Variants in TMEM120B observed in about 807,000 individuals in gnomAD.
TMEM120B encodes the protein transmembrane protein 120B.
TMEM120B carries 31 observed loss-of-function variants against 55.5 expected under a neutral mutation model. The observed-to-expected ratio is 0.56, with a 90% confidence interval of 0.42 to 0.75. The LOEUF (loss-of-function observed/expected upper bound fraction) is 0.75. Ranked by LOEUF, TMEM120B falls within the 30% of genes least tolerant of loss-of-function variation. The pLI, the probability that TMEM120B is intolerant of heterozygous loss-of-function variation, is 0.00. For missense variants in TMEM120B, 399 were observed against 425.5 expected (o/e 0.94, Z 0.55); for synonymous variants, 203 against 176.3 (o/e 1.15, Z -1.20).
chr12:121,779,443 G>A lies in TMEM120B; in HGVS notation c.*3721G>A, dbSNP rs796745271. 8 of 1,581,820 alleles carry A rather than the reference G, an allele frequency of 5.1e-6. No individual in the cohort carries two copies. The Middle Eastern group carries it at 5.4e-4, about 107-fold the overall frequency. ...ATGGGGCAGCCTCCCTGGTGCAATC[G>A]GCACCTGGGCCCCCGGGCCCTGTCA... On this transcript the variant is annotated 3_prime_UTR_variant, in exon 12 of 12. Coordinates refer to ENST00000449592, the MANE Select transcript of TMEM120B (RefSeq NM_001080825.2).
chr12:121,747,258 G>A (rs1873114877), intron 2 of TMEM120B, among the ~76,000 whole-genome samples: 1 of 148,940 alleles, frequency 6.7e-6, no homozygotes. Flanking sequence ...CACTGGGGTA[G>A]AAGGTGGGAG....
intron 4 of TMEM120B, 83 bp downstream of exon 4, chr12:121,750,522 A>T (rs1405007796): frequency 9.3e-7 from 1 of 1,074,216 alleles, no homozygotes; most frequent in Non-Finnish European, 1.4e-6. Context: ...CCACACTGAG[A>T]ACCCACACCC....
Position 121,775,932 on chromosome 12 carries a change from C to T in TMEM120B, c.*210C>T, listed in dbSNP as rs1431853895. The T allele has an allele frequency of 1.6e-6, 1 of 622,522 alleles. No homozygotes were observed. Among genetic ancestry groups the T allele is most frequent in the Non-Finnish European group, 2.8e-6 (1 of 352,534 alleles). The allele number at this position is 622,522 out of a possible 1,614,324, so 38.6% of individuals were successfully genotyped here. ...TATGACATATTTAATGCTGGGTCCC[C>T]CATCGTCCCTGGAACCCGAGGCCTC... On this transcript the variant is annotated 3_prime_UTR_variant, in exon 12 of 12. Transcript: ENST00000449592. This position sits in a 1 kb window ranked among gnomAD's most constrained non-coding sequence, Gnocchi z 4.3.
rs1255698190 is a variant in TMEM120B, at chr12:121,779,211, G to A, written c.*3489G>A. Reference sequence around the variant, plus strand: ...AAGCATAACTTGAGTCTGCACTGGGGAGACACTCGTGGTGGGGGTGGCTGT... The same window carrying A: ...AAGCATAACTTGAGTCTGCACTGGGAAGACACTCGTGGTGGGGGTGGCTGT... On this transcript the variant is annotated 3_prime_UTR_variant, in exon 12 of 12. Coordinates refer to ENST00000449592, the MANE Select transcript of TMEM120B (RefSeq NM_001080825.2). 2 of 481,578 alleles carry A rather than the reference G, an allele frequency of 4.2e-6. No individual in the cohort carries two copies. The highest frequency in any genetic ancestry group is 7.6e-6 in the Non-Finnish European group (2 of 263,230). 29.8% of individuals were successfully genotyped at this position (481,578 alleles called of 1,614,324 possible). A position where few individuals can be genotyped will look rare whatever the true frequency, so the allele number is the denominator to read the frequency against.
chr12:121,780,841 G>A lies in TMEM120B; in HGVS notation c.*5119G>A, dbSNP rs1012976609. On this transcript the variant is annotated 3_prime_UTR_variant, in exon 12 of 12. Transcript: ENST00000449592. ...AGGTCCGGGAGGCTTCACAGCCACG[G>A]CTGTGCCCCAGGGTCTTGGCCCCGG... is the stretch of plus-strand genomic sequence containing the variant. 3.1e-6 allele frequency: 5 copies of A among 1,601,868 alleles called. No individual in the cohort carries two copies. The African/African-American group carries it at 5.4e-5, about 17-fold the overall frequency.
In TMEM120B at chr12:121,761,507, C is replaced by T. The variant is rs76506621; in HGVS notation, c.462-142C>T. ...TCAAGAGACCAAGCTCCCCCTGCCT[C>T]CCTGGTGTCATAAGGGCTTCCAGAG... is the stretch of plus-strand genomic sequence containing the variant. On this transcript the variant is annotated intron_variant, in intron 5 of 11. Coordinates refer to ENST00000449592, the MANE Select transcript of TMEM120B (RefSeq NM_001080825.2). The T allele has an allele frequency of 1.1e-3, 676 of 605,518 alleles. 6 individuals are homozygous for T. The highest frequency in any genetic ancestry group is 0.011 in the African/African-American group (590 of 53,536). 37.5% of individuals were successfully genotyped at this position (605,518 alleles called of 1,614,324 possible).
intron 5 of TMEM120B, among the ~76,000 whole-genome samples, chr12:121,756,490 A>C (rs1319091503): frequency 1.3e-5 from 2 of 152,162 alleles, no homozygotes; most frequent in African/African-American, 4.8e-5. Context: ...AAACTCCTAA[A>C]GTCTTTGTCC....
Position 121,743,620 on chromosome 12 carries a change from GTTC to G in TMEM120B, c.70-5_70-3del. 1 of 1,612,088 alleles carries G rather than the reference GTTC, an allele frequency of 6.2e-7. No individual in the cohort carries two copies. Among genetic ancestry groups the G allele is most frequent in the East Asian group, 2.2e-5 (1 of 44,842 alleles). ...CCACACACCCTCCCCCGGGTCCCCT[GTTC>G]TTCAGGAGACGCACAGGATCTACAA... On this transcript the variant is annotated splice_polypyrimidine_tract_variant and splice_region_variant and intron_variant, in intron 1 of 11. Transcript: ENST00000449592.
Position 121,775,708 on chromosome 12 carries a change from A to G in TMEM120B, c.1006A>G (p.Thr336Ala), listed in dbSNP as rs1283644565. 1.9e-6 allele frequency: 3 copies of G among 1,613,880 alleles called. No homozygotes were observed. The highest frequency in any genetic ancestry group is 3.3e-5 in the Admixed American group (2 of 59,998). ...HAKLQKNRGKTKQP is the reference protein window; with the variant it reads ...HAKLQKNRGKAKQP Reference sequence around the variant, plus strand: ...CAAGCTCCAGAAGAACAGAGGCAAGACAAAGCAGCCGTGAGCCTCGGGCTC... The same window carrying G: ...CAAGCTCCAGAAGAACAGAGGCAAGGCAAAGCAGCCGTGAGCCTCGGGCTC... The change falls in exon 12 of 12, where the codon ACA (threonine) becomes GCA (alanine). Residue 336 changes from threonine to alanine, a missense_variant. Around this residue, in one of 3 missense-constraint regions of TMEM120B, gnomAD observed 260 missense variants for 303.9 expected, o/e 0.86. Coordinates refer to ENST00000449592, the MANE Select transcript of TMEM120B (RefSeq NM_001080825.2). This position sits in a 1 kb window ranked among gnomAD's most constrained non-coding sequence, Gnocchi z 4.3.
In TMEM120B at chr12:121,778,426, G is replaced by T. The variant is rs1160202710; in HGVS notation, c.*2704G>T. On this transcript the variant is annotated 3_prime_UTR_variant, in exon 12 of 12. Coordinates refer to ENST00000449592, the MANE Select transcript of TMEM120B (RefSeq NM_001080825.2). ...AGATCATGCCACTGCACTCTAGCCT[G>T]AGTGACAGAATGAGACTCTGTCCCA... is the stretch of plus-strand genomic sequence containing the variant. The T allele has an allele frequency of 6.8e-6, 1 of 147,100 alleles. No individual in the cohort carries two copies. 9.1% of individuals were successfully genotyped at this position (147,100 alleles called of 1,614,324 possible). A position where few individuals can be genotyped will look rare whatever the true frequency, so the allele number is the denominator to read the frequency against.
intron 1 of TMEM120B, among the ~76,000 whole-genome samples, chr12:121,733,187 A>G (rs1277214376): frequency 6.6e-6 from 1 of 152,134 alleles, no homozygotes; most frequent in Non-Finnish European, 1.5e-5. Context: ...TAAAGAAACT[A>G]GAGTATATCT....
intron 1 of TMEM120B, among the ~76,000 whole-genome samples, chr12:121,728,206 C>T (rs534424380): frequency 5.6e-4 from 85 of 151,754 alleles, no homozygotes; most frequent in African/African-American, 1.8e-3. Flanking sequence ...ATGGGTTTCA[C>T]AGGCCGGGCA....
Position 121,779,540 on chromosome 12 carries a change from C to G in TMEM120B, c.*3818C>G. 2 of 1,613,214 alleles carry G rather than the reference C, an allele frequency of 1.2e-6. No individual in the cohort carries two copies. Among genetic ancestry groups the G allele is most frequent in the Non-Finnish European group, 1.7e-6 (2 of 1,179,396 alleles). On this transcript the variant is annotated 3_prime_UTR_variant, in exon 12 of 12. Coordinates refer to ENST00000449592, the MANE Select transcript of TMEM120B (RefSeq NM_001080825.2). ...GCCGGCGCTTCTTCTGCCGTTGCGC[C>G]TTCTTCAGAGCGCTGAGAGCCACCT...
At chr12:121,742,436 CA>C (rs202109012) in intron 1 of TMEM120B, among the ~76,000 whole-genome samples, 224 of 151,864 alleles carry the variant, frequency 1.5e-3, no homozygotes, top group African/African-American at 5.1e-3. Flanking sequence ...CAAAACAAAA[CA>C]AAAAAAATCA....
chr12:121,720,599 T>G (rs1353417099), intron 1 of TMEM120B, among the ~76,000 whole-genome samples: 1 of 151,980 alleles, frequency 6.6e-6, no homozygotes, highest in African/African-American at 2.4e-5. Context: ...TAGTTTCAGC[T>G]ACTCGGGTGG....
intron 1 of TMEM120B, among the ~76,000 whole-genome samples, chr12:121,734,773 C>T (rs1241802201): frequency 3.3e-5 from 5 of 151,698 alleles, no homozygotes; most frequent in Non-Finnish European, 5.9e-5. Flanking sequence ...ATTAGCTGGG[C>T]GTGATGGCAG....
Position 121,780,339 on chromosome 12 carries a change from T to TG in TMEM120B, c.*4618dup, listed in dbSNP as rs1172100967. 6.2e-6 allele frequency: 1 copy of TG among 162,192 alleles called. No individual in the cohort carries two copies. The highest frequency in any genetic ancestry group is 2.4e-5 in the African/African-American group (1 of 41,686). 10.0% of individuals were successfully genotyped at this position (162,192 alleles called of 1,614,324 possible). On this transcript the variant is annotated 3_prime_UTR_variant, in exon 12 of 12. Coordinates refer to ENST00000449592, the MANE Select transcript of TMEM120B (RefSeq NM_001080825.2). ...TCCCAAAGTGCTGGGATTACAGGCG[T>TG]GAGCCACTATGCCCGGCCGGATTTG...
intron 4 of TMEM120B, among the ~76,000 whole-genome samples, 162 bp downstream of exon 4, chr12:121,750,601 CACACCAACACCA>C (rs71079093): frequency 8.9e-6 from 1 of 112,156 alleles, no homozygotes; most frequent in African/African-American, 3.2e-5. Context: ...ACACCCCACC[CACACCAACACCA>C]ACACCAACAC....
At chr12:121,724,801 G>C (rs539943943) in intron 1 of TMEM120B, among the ~76,000 whole-genome samples, 1 of 151,456 alleles carries the variant, frequency 6.6e-6, no homozygotes, top group Admixed American at 6.6e-5. Context: ...TAGTAGAGAC[G>C]AGGTTTCACC....
Sources: allele counts gnomAD v4.1 joint callset (sites outside exome capture counted in the v4.1 genomes callset), GRCh38; gene constraint gnomAD v4.1.1; regional missense constraint gnomAD v4.1.1; non-coding constraint Gnocchi (gnomAD v3.1); transcripts MANE v1.5; gene names NCBI Gene and HGNC (gene_info 2026-07-23, HGNC 2026-07-21).